Variants in FAR2 observed in about 807,000 individuals in gnomAD.
FAR2 encodes the protein fatty acyl-CoA reductase 2.
Under a neutral mutation model 56.0 loss-of-function variants are expected in FAR2, and 19 were observed. The ratio of observed to expected loss-of-function variants is 0.34; its 90% confidence interval spans 0.24 to 0.50. FAR2 has a LOEUF of 0.50. FAR2 is among the 20% of genes least tolerant of loss of function. The pLI, the probability that FAR2 is intolerant of heterozygous loss-of-function variation, is 0.98. For synonymous variants in FAR2, 219 were observed against 218.8 expected (o/e 1.00, Z -0.01); for missense variants, 508 against 642.2 (o/e 0.79, Z 2.26).
chr12:29,207,183 A>T (rs1409048177), intron 1 of FAR2, among the ~76,000 whole-genome samples: 1 of 152,208 alleles, frequency 6.6e-6, no homozygotes, highest in Non-Finnish European at 1.5e-5. Flanking sequence ...AAATTTAGCC[A>T]CAACGCCTGA....
chr12:29,293,502 T>C, intron 3 of FAR2, 27 bp downstream of exon 3: 2 of 1,484,214 alleles, frequency 1.3e-6, no homozygotes, highest in South Asian at 2.8e-5. Context: ...CTCTCATGGC[T>C]TGTATACATA....
chr12:29,308,317 C>A (rs1484755886), intron 5 of FAR2, among the ~76,000 whole-genome samples: 2 of 152,116 alleles, frequency 1.3e-5, no homozygotes, highest in African/African-American at 4.8e-5. Flanking sequence ...TTCTTGAAAG[C>A]AAGTCTGTGA....
chr12:29,151,173 C>T (rs974932714), intron 1 of FAR2, among the ~76,000 whole-genome samples: 1 of 152,284 alleles, frequency 6.6e-6, no homozygotes, highest in East Asian at 1.9e-4. Context: ...TTCCCATGCA[C>T]TCATGAAAAC....
chr12:29,149,872 G>T (rs1949667851), intron 1 of FAR2, among the ~76,000 whole-genome samples: 1 of 152,138 alleles, frequency 6.6e-6, no homozygotes. Context: ...AGCGGTCCTA[G>T]GTCCCCTCCC....
At chr12:29,209,306 TTC>T (rs1217506813) in intron 1 of FAR2, among the ~76,000 whole-genome samples, 1 of 152,204 alleles carries the variant, frequency 6.6e-6, no homozygotes, top group Non-Finnish European at 1.5e-5. Context: ...GCTTAAAGTC[TTC>T]TCTCACTATC....
At chr12:29,201,910 G>C (rs993576630) in intron 1 of FAR2, among the ~76,000 whole-genome samples, 1 of 152,198 alleles carries the variant, frequency 6.6e-6, no homozygotes, top group African/African-American at 2.4e-5. Context: ...TTATTGGACA[G>C]CACTGCACCA....
intron 1 of FAR2, among the ~76,000 whole-genome samples, chr12:29,162,859 CCATT>C (rs1215001127): frequency 6.6e-6 from 1 of 152,168 alleles, no homozygotes; most frequent in Non-Finnish European, 1.5e-5. Context: ...AGCTAGGTGG[CCATT>C]CATTCTTTGA....
At chr12:29,266,837 GA>G (rs1411381256) in intron 1 of FAR2, among the ~76,000 whole-genome samples, 1 of 152,004 alleles carries the variant, frequency 6.6e-6, no homozygotes, top group Non-Finnish European at 1.5e-5. Flanking sequence ...ACTTTAGAAA[GA>G]AATCTCTAAA....
At chr12:29,170,872 G>A (rs539839746) in intron 1 of FAR2, among the ~76,000 whole-genome samples, 18 of 152,100 alleles carry the variant, frequency 1.2e-4, no homozygotes, top group Admixed American at 7.9e-4. Context: ...CGATGGCTTC[G>A]ACAGTGTAAG....
At chr12:29,173,275 G>T (rs1949905618) in intron 1 of FAR2, among the ~76,000 whole-genome samples, 3 of 152,306 alleles carry the variant, frequency 2.0e-5, no homozygotes, top group South Asian at 4.1e-4. Context: ...TAGCCCGGGG[G>T]TTTTTGTGGT....
intron 1 of FAR2, among the ~76,000 whole-genome samples, chr12:29,157,636 T>C (rs1401766513): frequency 1.3e-5 from 2 of 152,134 alleles, no homozygotes; most frequent in Non-Finnish European, 2.9e-5. Flanking sequence ...AGCCAAGAAA[T>C]GAGAAATAGT....
chr12:29,235,811 A>C (rs994219031), intron 1 of FAR2, among the ~76,000 whole-genome samples: 2 of 152,190 alleles, frequency 1.3e-5, no homozygotes, highest in East Asian at 1.9e-4. Context: ...GACTTTTGTC[A>C]GAAAATAAGG....
chr12:29,198,100 G>C (rs1034662399), intron 1 of FAR2, among the ~76,000 whole-genome samples: 2 of 152,122 alleles, frequency 1.3e-5, no homozygotes, highest in Non-Finnish European at 2.9e-5. Context: ...AATTTTTAAT[G>C]AGAAAAAAGA....
rs555333304 is a variant in FAR2 at position 29,174,803 on chromosome 12, C to G, written c.-39+25396C>G. On this transcript the variant is annotated intron_variant, in intron 1 of 11. Coordinates refer to ENST00000536681, the MANE Select transcript of FAR2 (RefSeq NM_001271783.2). ...CTGACAGGCGTTAGGACCCAGGAGGCAAGGGTCAGGATAGATAGGATAGAA... is the reference window on the plus strand; with the variant it reads ...CTGACAGGCGTTAGGACCCAGGAGGGAAGGGTCAGGATAGATAGGATAGAA... Among the ~76,000 whole-genome samples the G allele has an allele frequency of 2.6e-5, 4 of 152,218 alleles. 1 individual carries two copies. Among genetic ancestry groups the G allele is most frequent in the African/African-American group, 9.6e-5 (4 of 41,534 alleles).
At chr12:29,202,520 T>C (rs556759566) in intron 1 of FAR2, among the ~76,000 whole-genome samples, 2 of 152,200 alleles carry the variant, frequency 1.3e-5, no homozygotes, top group Non-Finnish European at 2.9e-5. Context: ...AGCAGTAAGA[T>C]CTAGTTTGCA....
chr12:29,216,128 A>C (rs952662319), intron 1 of FAR2, among the ~76,000 whole-genome samples: 5 of 152,224 alleles, frequency 3.3e-5, no homozygotes, highest in Non-Finnish European at 5.9e-5. Flanking sequence ...GGACTGTGAC[A>C]ATTTCCAGAG....
intron 1 of FAR2, among the ~76,000 whole-genome samples, chr12:29,191,560 A>C (rs1950103188): frequency 6.6e-6 from 1 of 152,254 alleles, no homozygotes; most frequent in Admixed American, 6.5e-5. Flanking sequence ...CAAATGCAAC[A>C]TAATAGCCAA....
At chr12:29,333,171 A>G in intron 11 of FAR2, 1 of 323,158 alleles carries the variant, frequency 3.1e-6, no homozygotes, top group South Asian at 2.8e-5. Flanking sequence ...CCTGAGGGAC[A>G]AGGAATTCTA....
intron 2 of FAR2, among the ~76,000 whole-genome samples, chr12:29,271,797 C>A (rs1417505370): frequency 6.6e-6 from 1 of 152,228 alleles, no homozygotes; most frequent in Non-Finnish European, 1.5e-5. Flanking sequence ...TCTTTTCACA[C>A]CTTACTTCAT....
Sources: gnomAD v4.1 joint callset for allele counts (sites outside exome capture counted in the v4.1 genomes callset) on GRCh38, gnomAD v4.1.1 for gene constraint, MANE v1.5 for transcripts, NCBI Gene and HGNC (gene_info 2026-07-23, HGNC 2026-07-21) for gene names.